ST6GALNAC3: variants seen among roughly 807,000 people sequenced by gnomAD.
ST6GALNAC3 encodes the protein alpha-N-acetylgalactosaminide alpha-2,6-sialyltransferase 3.
A neutral mutation model predicts 32.7 loss-of-function variants in ST6GALNAC3; 25 were observed. The observed-to-expected ratio is 0.76, with a 90% CI of 0.56 to 1.07. The LOEUF is 1.07. ST6GALNAC3 is among the 50% of genes least tolerant of loss of function. ST6GALNAC3 has a pLI of 0.00. For missense variants in ST6GALNAC3, 355 were observed against 382.4 expected (o/e 0.93, Z 0.60); for synonymous variants, 129 against 133.1 (o/e 0.97, Z 0.21).
Position 76,632,049 on chromosome 1 carries a change from T to A in ST6GALNAC3, c.*3243T>A, listed in dbSNP as rs1013926103. The stretch of plus-strand genomic sequence containing the variant: ...TGTATATATGCACATAGAGTCTATT[T>A]GTGTGTGTGTGAACGCACATATATA... On this transcript the variant is annotated 3_prime_UTR_variant, in exon 5 of 5. Transcript: ENST00000328299. 6.6e-6 allele frequency: 1 copy of A among 151,944 alleles called. No homozygotes were observed. The highest frequency in any genetic ancestry group is 6.6e-5 in the Admixed American group (1 of 15,244). 9.4% of individuals were successfully genotyped at this position (151,944 alleles called of 1,614,324 possible). A position where few individuals can be genotyped will look rare whatever the true frequency, so the allele number is the denominator to read the frequency against.
intron 3 of ST6GALNAC3, among the ~76,000 whole-genome samples, chr1:76,533,291 G>A (rs1022370295): frequency 6.6e-6 from 1 of 151,628 alleles, no homozygotes; most frequent in Non-Finnish European, 1.5e-5. Context: ...CACTGTCGTG[G>A]TCTTCTCAGG....
intron 1 of ST6GALNAC3, among the ~76,000 whole-genome samples, chr1:76,190,188 G>A (rs1653812940): frequency 6.6e-6 from 1 of 152,114 alleles, no homozygotes; most frequent in African/African-American, 2.4e-5. Context: ...TTCTATCATA[G>A]GTTGATAGGA....
At chr1:76,583,715 C>T (rs1292963210) in intron 3 of ST6GALNAC3, among the ~76,000 whole-genome samples, 2 of 152,138 alleles carry the variant, frequency 1.3e-5, no homozygotes, top group Non-Finnish European at 2.9e-5. Context: ...TGCAGATATA[C>T]TAGCTACTCT....
At chr1:76,319,360 C>T (rs1412285229) in intron 2 of ST6GALNAC3, among the ~76,000 whole-genome samples, 1 of 152,082 alleles carries the variant, frequency 6.6e-6, no homozygotes, top group Non-Finnish European at 1.5e-5. Flanking sequence ...CGTTTTAAAA[C>T]CTCAAGTAGA....
chr1:76,219,594 CG>C (rs1412334601), intron 1 of ST6GALNAC3, among the ~76,000 whole-genome samples: 2 of 152,156 alleles, frequency 1.3e-5, no homozygotes, highest in Non-Finnish European at 2.9e-5. Flanking sequence ...CATCACATGG[CG>C]ATTTTCCTGG....
At position 76,348,893 on chromosome 1, in the gene ST6GALNAC3, T is replaced by C. The variant is rs186938581; in HGVS notation, c.213+34894T>C. The stretch of plus-strand genomic sequence containing the variant: ...TGACTAAGTGAGAGAACATACTTCA[T>C]GCACGTAGCAGAGTGCCTGGCTCAT... On this transcript the variant is annotated intron_variant, in intron 2 of 4. Coordinates refer to ENST00000328299, the MANE Select transcript of ST6GALNAC3 (RefSeq NM_152996.4). 4.8e-3 allele frequency among the ~76,000 whole-genome samples: 732 copies of C among 152,312 alleles called. 4 individuals are homozygous for C. The highest frequency in any genetic ancestry group is 0.017 in the African/African-American group (693 of 41,568).
rs547208457 is a variant in ST6GALNAC3 at position 76,090,790 on chromosome 1, G to T, written c.18+15906G>T. ...AAGCTTAGTCTGGACTTTGGGGGCT[G>T]GTGGGACATTAGGTAGACTAAGGGT... is the stretch of plus-strand genomic sequence containing the variant. On this transcript the variant is annotated intron_variant, in intron 1 of 4. Coordinates refer to ENST00000328299, the MANE Select transcript of ST6GALNAC3 (RefSeq NM_152996.4). Among the ~76,000 whole-genome samples, 7 of 152,304 alleles carry T rather than the reference G, an allele frequency of 4.6e-5. No homozygotes were observed. The East Asian group carries it at 1.4e-3, about 29-fold the overall frequency.
intron 1 of ST6GALNAC3, among the ~76,000 whole-genome samples, chr1:76,153,781 C>T (rs1651205945): frequency 6.6e-6 from 1 of 152,150 alleles, no homozygotes; most frequent in African/African-American, 2.4e-5. Flanking sequence ...AACAGTTAGT[C>T]ATATTCTGTT....
At chr1:76,402,883 GTAC>G (rs1653534235) in intron 2 of ST6GALNAC3, among the ~76,000 whole-genome samples, 1 of 151,840 alleles carries the variant, frequency 6.6e-6, no homozygotes, top group Non-Finnish European at 1.5e-5. Context: ...TTTCCAAAGG[GTAC>G]CAATCTAACT....
intron 1 of ST6GALNAC3, among the ~76,000 whole-genome samples, chr1:76,230,486 A>T (rs1018600191): frequency 6.6e-6 from 1 of 152,206 alleles, no homozygotes; most frequent in Non-Finnish European, 1.5e-5. Flanking sequence ...TTAGGGTCCT[A>T]TGGCAATATA....
chr1:76,167,852 TTG>T, intron 1 of ST6GALNAC3, among the ~76,000 whole-genome samples: 1 of 152,138 alleles, frequency 6.6e-6, no homozygotes, highest in East Asian at 1.9e-4. Context: ...CCATTTCTGA[TTG>T]TGTTTATTGG....
At chr1:76,352,033 A>G (rs1649019493) in intron 2 of ST6GALNAC3, among the ~76,000 whole-genome samples, 2 of 152,248 alleles carry the variant, frequency 1.3e-5, no homozygotes, top group South Asian at 4.2e-4. Flanking sequence ...TGCAGTATCA[A>G]ATTTCATGTG....
intron 2 of ST6GALNAC3, among the ~76,000 whole-genome samples, chr1:76,386,219 C>A (rs1189801100): frequency 1.3e-5 from 2 of 151,848 alleles, no homozygotes; most frequent in Non-Finnish European, 2.9e-5. Flanking sequence ...GGCTAAGAAC[C>A]AGGAAGGCTT....
At chr1:76,434,804 T>C (rs1375501473) in intron 3 of ST6GALNAC3, among the ~76,000 whole-genome samples, 6 of 146,434 alleles carry the variant, frequency 4.1e-5, no homozygotes, top group African/African-American at 1.3e-4. Flanking sequence ...TTTTTTTTTT[T>C]TTTTGAGACA....
At chr1:76,637,176 C>T (rs1041955291), downstream of ST6GALNAC3, 11 of 152,092 alleles carry the variant, frequency 7.2e-5, no homozygotes, top group African/African-American at 2.2e-4. Context: ...TGCCATTTTC[C>T]GTGATTATAA....
intron 3 of ST6GALNAC3, among the ~76,000 whole-genome samples, chr1:76,479,026 G>A (rs1659550533): frequency 6.6e-6 from 1 of 152,088 alleles, no homozygotes; most frequent in Non-Finnish European, 1.5e-5. Context: ...GCCTCCCAAA[G>A]TGCTGGGATT....
Position 76,140,219 on chromosome 1 carries a change from A to C in ST6GALNAC3, c.18+65335A>C, listed in dbSNP as rs538817925. Among the ~76,000 whole-genome samples the C allele has an allele frequency of 3.9e-4, 59 of 152,152 alleles. 2 individuals are homozygous for C. In the South Asian group the frequency reaches 0.012, roughly 31 times the overall value. On this transcript the variant is annotated intron_variant, in intron 1 of 4. Transcript: ENST00000328299. ...TGCTCCGTGGAAGTAGATATCAAGA[A>C]CTCTTGAGCAGAGAGAAGTTTTGCA...
At chr1:76,259,653 G>T (rs186372494) in intron 1 of ST6GALNAC3, among the ~76,000 whole-genome samples, 1 of 152,158 alleles carries the variant, frequency 6.6e-6, no homozygotes, top group South Asian at 2.1e-4. Context: ...GGGGAAGATT[G>T]TAAGTGAAAT....
At chr1:76,141,193 T>C (rs1390032391) in intron 1 of ST6GALNAC3, among the ~76,000 whole-genome samples, 1 of 152,194 alleles carries the variant, frequency 6.6e-6, no homozygotes, top group African/African-American at 2.4e-5. Context: ...GCATGATTTA[T>C]TTCATAATGC....
Sources: allele counts gnomAD v4.1 joint callset (sites outside exome capture counted in the v4.1 genomes callset), GRCh38; gene constraint gnomAD v4.1.1; transcripts MANE v1.5; gene names NCBI Gene and HGNC (gene_info 2026-07-23, HGNC 2026-07-21).